SMAD6: variants seen among roughly 807,000 people sequenced by gnomAD.
SMAD6 encodes the protein MAD homolog 6.
SMAD6 carries 103 observed loss-of-function variants against 39.4 expected under a neutral mutation model. That is an observed-to-expected ratio of 2.62 (90% CI 2.23 to 3.08). SMAD6 has a LOEUF of 3.08. Ranked by LOEUF, SMAD6 falls within the 30% of genes most tolerant of loss-of-function variation. SMAD6 has a pLI of 0.00. For missense variants in SMAD6, 1,104 were observed against 742.9 expected (o/e 1.49, Z -5.65); for synonymous variants, 445 against 353.3 (o/e 1.26, Z -2.91).
intron 3 of SMAD6, among the ~76,000 whole-genome samples, chr15:66,773,050 G>C (rs1334436824): frequency 6.6e-6 from 1 of 152,178 alleles, no homozygotes; most frequent in African/African-American, 2.4e-5. Context: ...CTGGAGGGTG[G>C]TGGCCAGTGT....
At chr15:66,764,411 G>A (rs1894255387) in intron 3 of SMAD6, among the ~76,000 whole-genome samples, 1 of 151,900 alleles carries the variant, frequency 6.6e-6, no homozygotes, top group Admixed American at 6.6e-5. Context: ...TTGGTGGGAT[G>A]CGTGCTTTAT....
chr15:66,745,011 C>T (rs1893882995), intron 3 of SMAD6, among the ~76,000 whole-genome samples: 2 of 152,078 alleles, frequency 1.3e-5, no homozygotes, highest in South Asian at 4.1e-4. Context: ...AGAATTTAGC[C>T]CTATGGGTCC....
At chr15:66,721,782 T>C (rs1893437200) in intron 3 of SMAD6, among the ~76,000 whole-genome samples, 1 of 152,196 alleles carries the variant, frequency 6.6e-6, no homozygotes, top group Non-Finnish European at 1.5e-5. Context: ...GTTACATTGT[T>C]TCTGCCCTCA....
Position 66,716,500 on chromosome 15 carries a change from T to C in SMAD6, c.952+2T>C, listed in dbSNP as rs1272221578. On this transcript the variant is annotated splice_donor_variant, in intron 3 of 3. Transcript: ENST00000288840. LOFTEE classifies it high-confidence loss of function. ...TCACTGCTCCGGGTGAATTCTCAGG[T>C]CAGCATTTTTTCTTGTGCATTGCTG... 1.2e-6 allele frequency: 2 copies of C among 1,609,356 alleles called. No homozygotes were observed. The highest frequency in any genetic ancestry group is 1.1e-5 in the South Asian group (1 of 90,994).
At chr15:66,717,009 C>A (rs1893342686) in intron 3 of SMAD6, 2 of 1,289,414 alleles carry the variant, frequency 1.6e-6, no homozygotes, top group Non-Finnish European at 2.0e-6. Context: ...TCTCCCTGAG[C>A]AGCAGATGCT....
At chr15:66,720,423 T>C (rs1324173971) in intron 3 of SMAD6, among the ~76,000 whole-genome samples, 1 of 152,110 alleles carries the variant, frequency 6.6e-6, no homozygotes, top group African/African-American at 2.4e-5. Flanking sequence ...GAAGGAGCCC[T>C]GGCCAGGCCG....
intron 3 of SMAD6, among the ~76,000 whole-genome samples, chr15:66,738,670 C>T (rs1301357076): frequency 1.3e-5 from 2 of 152,134 alleles, no homozygotes; most frequent in African/African-American, 2.4e-5. Context: ...CTACGAATAA[C>T]CCTGCTTTGT....
At chr15:66,744,826 T>C (rs1893879916) in intron 3 of SMAD6, among the ~76,000 whole-genome samples, 1 of 151,988 alleles carries the variant, frequency 6.6e-6, no homozygotes, top group Admixed American at 6.6e-5. Context: ...AAGAACTGGG[T>C]GGGGAGTCTG....
intron 3 of SMAD6, among the ~76,000 whole-genome samples, chr15:66,750,665 T>C (rs1444276968): frequency 6.6e-6 from 1 of 151,948 alleles, no homozygotes; most frequent in African/African-American, 2.4e-5. Flanking sequence ...AGGAGAGTGC[T>C]GGGAAGGGAA....
intron 3 of SMAD6, among the ~76,000 whole-genome samples, chr15:66,739,089 CTTT>C (rs56853022): frequency 2.2e-4 from 30 of 135,686 alleles, no homozygotes; most frequent in Non-Finnish European, 2.4e-4. Flanking sequence ...TTTTCTTCTT[CTTT>C]TTTTTTTTTT....
At position 66,738,746 on chromosome 15, in the gene SMAD6, G is replaced by A. The variant is rs896711169; in HGVS notation, c.952+22248G>A. Reference sequence around the variant, plus strand: ...GGGTGGGTGTGGGAGTGGCTGTGTCGGGGGCCAGAGAGCGGGTTCTGATGG... The same window carrying A: ...GGGTGGGTGTGGGAGTGGCTGTGTCAGGGGCCAGAGAGCGGGTTCTGATGG... On this transcript the variant is annotated intron_variant, in intron 3 of 3. Coordinates refer to ENST00000288840, the MANE Select transcript of SMAD6 (RefSeq NM_005585.5). Among the ~76,000 whole-genome samples, 11 of 152,114 alleles carry A rather than the reference G, an allele frequency of 7.2e-5. No homozygotes were observed. The East Asian group carries it at 9.6e-4, about 13-fold the overall frequency.
intron 3 of SMAD6, among the ~76,000 whole-genome samples, chr15:66,776,402 G>T (rs1188941523): frequency 6.6e-6 from 1 of 152,192 alleles, no homozygotes; most frequent in Non-Finnish European, 1.5e-5. Flanking sequence ...GTGGTGAGTG[G>T]GGTACTTAAT....
intron 1 of SMAD6, chr15:66,707,957 A>AG (rs1029413878): frequency 3.9e-5 from 6 of 152,324 alleles, no homozygotes; most frequent in African/African-American, 1.4e-4. Context: ...TTTAGAATTT[A>AG]GGTCTAGATC....
At chr15:66,775,261 A>G (rs1894447131) in intron 3 of SMAD6, among the ~76,000 whole-genome samples, 1 of 152,074 alleles carries the variant, frequency 6.6e-6, no homozygotes, top group Non-Finnish European at 1.5e-5. Flanking sequence ...CTCGTGCTCA[A>G]TGGGATGCCC....
chr15:66,715,923 C>T (rs143237744), intron 2 of SMAD6, among the ~76,000 whole-genome samples: 3 of 151,906 alleles, frequency 2.0e-5, no homozygotes, highest in Admixed American at 6.6e-5. Flanking sequence ...GGGGTGTAAG[C>T]GGGACAGAGT....
At chr15:66,770,960 G>A (rs868038539) in intron 3 of SMAD6, among the ~76,000 whole-genome samples, 5 of 152,240 alleles carry the variant, frequency 3.3e-5, no homozygotes, top group African/African-American at 7.2e-5. Context: ...ACCAGCCTCC[G>A]CGTGGCTCTT....
chr15:66,764,940 G>T (rs996912045), intron 3 of SMAD6, among the ~76,000 whole-genome samples: 1 of 151,948 alleles, frequency 6.6e-6, no homozygotes, highest in Non-Finnish European at 1.5e-5. Flanking sequence ...CCACCCCTGG[G>T]TTTCACCGCC....
At chr15:66,750,675 A>G (rs1893988824) in intron 3 of SMAD6, among the ~76,000 whole-genome samples, 1 of 152,160 alleles carries the variant, frequency 6.6e-6, no homozygotes, top group Non-Finnish European at 1.5e-5. Flanking sequence ...TGGGAAGGGA[A>G]GAGAAGGGGC....
intron 1 of SMAD6, chr15:66,705,839 G>A (rs1893099951): frequency 6.6e-6 from 1 of 152,250 alleles, no homozygotes; most frequent in South Asian, 2.1e-4. Context: ...AAGGCTGTGG[G>A]TGTGTATGTA....
Sources: allele counts gnomAD v4.1 joint callset (sites outside exome capture counted in the v4.1 genomes callset), GRCh38; gene constraint gnomAD v4.1.1; transcripts MANE v1.5; gene names NCBI Gene and HGNC (gene_info 2026-07-23, HGNC 2026-07-21).